ADGRG4: variants seen among roughly 807,000 people sequenced by gnomAD.
The protein encoded by ADGRG4 is G protein-coupled receptor 112.
In ADGRG4, 122 loss-of-function variants were observed where a neutral mutation model predicts 126.2. The observed-to-expected ratio is 0.97, with a 90% CI of 0.83 to 1.12. ADGRG4 has a LOEUF of 1.12. Among genes scored for constraint, ADGRG4 ranks in the 50% most tolerant of loss-of-function variants. ADGRG4 has a pLI of 0.00. For synonymous variants in ADGRG4, 943 were observed against 838.7 expected, an observed-to-expected ratio of 1.12 and a Z score of -2.15; for missense variants, 2,481 against 2,251.8, an observed-to-expected ratio of 1.10 and a Z score of -2.06.
intron 3 of ADGRG4, among the ~76,000 whole-genome samples, chrX:136,307,039 T>A (rs1178029254): frequency 8.9e-6 from 1 of 111,933 alleles, no homozygotes; most frequent in Non-Finnish European, 1.9e-5. Flanking sequence ...GGTTGCATAG[T>A]ATTCTGTTGT....
At chrX:136,380,274 T>C (rs2075251728) in intron 15 of ADGRG4, among the ~76,000 whole-genome samples, 1 of 111,060 alleles carries the variant, frequency 9.0e-6, no homozygotes, top group Non-Finnish European at 1.9e-5. Flanking sequence ...GCTGATTCAT[T>C]TGTCAACCTC....
chrX:136,393,800 A>C (rs2075332450), intron 18 of ADGRG4, among the ~76,000 whole-genome samples: 1 of 111,990 alleles, frequency 8.9e-6, no homozygotes, highest in African/African-American at 3.2e-5. Context: ...TGCTGGGGCT[A>C]CAGTGCTCCA....
intron 9 of ADGRG4, among the ~76,000 whole-genome samples, chrX:136,356,622 C>G (rs149957016): frequency 4.3e-4 from 48 of 111,995 alleles, no homozygotes; most frequent in African/African-American, 1.5e-3. Context: ...CAATAGCACA[C>G]TCTAAAATGA....
In ADGRG4 at chrX:136,375,498, A is replaced by C. The variant is rs768862101; in HGVS notation, c.7776+2434A>C. ...AGTGGTTGTATTAATTTACATTCCC[A>C]CCAGCTGTATAAAAGTGTTTCCTTT... On this transcript the variant is annotated intron_variant, in intron 15 of 25. Coordinates refer to ENST00000394143, the MANE Select transcript of ADGRG4 (RefSeq NM_153834.4). 3.6e-5 allele frequency among the ~76,000 whole-genome samples: 4 copies of C among 112,275 alleles called. No individual in the cohort carries two copies. In the South Asian group the frequency reaches 1.5e-3, roughly 42 times the overall value.
intron 5 of ADGRG4, among the ~76,000 whole-genome samples, chrX:136,329,862 A>ATTATT (rs1303865091): frequency 2.7e-4 from 29 of 109,204 alleles, no homozygotes; most frequent in Non-Finnish European, 4.8e-4. Context: ...TTTATTTTTT[A>ATTATT]TTATTTTATT....
chrX:136,346,703 T>G lies in ADGRG4; in HGVS notation c.2997T>G (p.Pro999=). ...CTGATGGTATCTTACCTCCACAGCCTACAGCTGCTCATTCCTCAGCAACCC... is the reference window on the plus strand; with the variant it reads ...CTGATGGTATCTTACCTCCACAGCCGACAGCTGCTCATTCCTCAGCAACCC... ...SLSDGILPPQ[P]TAAHSSATPV... Residue 999 remains proline (P), a synonymous_variant, in exon 6 of 26, where the codon CCT becomes CCG. Coordinates refer to ENST00000394143, the MANE Select transcript of ADGRG4 (RefSeq NM_153834.4). 1 of 1,210,388 alleles carries G rather than the reference T, an allele frequency of 8.3e-7. No homozygotes were observed. The highest frequency in any genetic ancestry group is 1.1e-6 in the Non-Finnish European group (1 of 894,561).
intron 3 of ADGRG4, among the ~76,000 whole-genome samples, chrX:136,308,537 A>G (rs1409124168): frequency 8.9e-6 from 1 of 112,179 alleles, no homozygotes; most frequent in African/African-American, 3.2e-5. Context: ...TCCAGCACAT[A>G]GAAGGGATTC....
rs2075092486 is a variant in ADGRG4 at position 136,356,172 on chromosome X, A to C, written c.6927+7A>C. 4.4e-6 allele frequency: 5 copies of C among 1,146,227 alleles called. No homozygotes were observed. The highest frequency in any genetic ancestry group is 5.9e-6 in the Non-Finnish European group (5 of 841,288). The allele number at this position is 1,146,227 out of a possible 1,213,427, so 94.5% of individuals were successfully genotyped here. On this transcript the variant is annotated splice_region_variant and intron_variant, in intron 9 of 25. Coordinates refer to ENST00000394143, the MANE Select transcript of ADGRG4 (RefSeq NM_153834.4). ...GGTCATGGATCGAGCTATTGTAAGT[A>C]ATTTTTCAAAATGAATCTACTTGTG...
In ADGRG4 at chrX:136,372,934, A is replaced by G. The variant is rs762799022; in HGVS notation, c.7646A>G (p.Lys2549Arg). Residue 2549 changes from lysine (K) to arginine (R), a missense_variant, in exon 15 of 26, where the codon AAG becomes AGG. Physicochemically the swap from Lys to Arg is conservative, Grantham distance 26. Coordinates refer to ENST00000394143, the MANE Select transcript of ADGRG4 (RefSeq NM_153834.4). ...ILRIIERTGH[K>R]MEFSGQIANL... ...AGGATAATTGAGCGTACTGGTCACA[A>G]GATGGAGTTTTCTGGGCAGATAGCA... is the stretch of plus-strand genomic sequence containing the variant. 1.7e-6 allele frequency: 2 copies of G among 1,209,990 alleles called. No homozygotes were observed. The highest frequency in any genetic ancestry group is 2.2e-5 in the Admixed American group (1 of 45,810).
At chrX:136,387,130 T>G (rs5975725) in intron 15 of ADGRG4, among the ~76,000 whole-genome samples, 1 of 111,358 alleles carries the variant, frequency 9.0e-6, no homozygotes, top group African/African-American at 3.3e-5. Flanking sequence ...CCTAAACATA[T>G]CCCATTGTGC....
At chrX:136,369,842 G>T (rs2075182183) in intron 13 of ADGRG4, among the ~76,000 whole-genome samples, 2 of 112,014 alleles carry the variant, frequency 1.8e-5, no homozygotes, top group African/African-American at 6.5e-5. Context: ...GTCTTTGCTA[G>T]TTCAGTTCCT....
chrX:136,379,019 C>T (rs189547470), intron 15 of ADGRG4, among the ~76,000 whole-genome samples: 10 of 111,857 alleles, frequency 8.9e-5, no homozygotes, highest in African/African-American at 2.9e-4. Flanking sequence ...AGTTGGGAAA[C>T]GGTCCCTCTT....
chrX:136,416,586 C>A lies in ADGRG4; in HGVS notation c.*95C>A, dbSNP rs2075476855. On this transcript the variant is annotated 3_prime_UTR_variant, in exon 26 of 26. Transcript: ENST00000394143. ...TATACTTGCTCGGGTGATGGGTGCA[C>A]CAAAATCTCACAAATCACCACTAAA... is the stretch of plus-strand genomic sequence containing the variant. The A allele has an allele frequency of 3.2e-6, 2 of 624,225 alleles. No homozygotes were observed. The highest frequency in any genetic ancestry group is 5.0e-6 in the Non-Finnish European group (2 of 402,342). The allele number at this position is 624,225 out of a possible 1,213,427, so 51.4% of individuals were successfully genotyped here.
intron 4 of ADGRG4, among the ~76,000 whole-genome samples, chrX:136,318,068 G>A (rs1239372733): frequency 8.9e-6 from 1 of 112,393 alleles, no homozygotes; most frequent in Non-Finnish European, 1.9e-5. Context: ...ATAAAAACAT[G>A]TGTTCAAACA....
At chrX:136,357,001 CA>C (rs1024438044) in intron 9 of ADGRG4, among the ~76,000 whole-genome samples, 9 of 111,497 alleles carry the variant, frequency 8.1e-5, no homozygotes, top group Non-Finnish European at 1.7e-4. Context: ...GGCTCTGTCT[CA>C]AAAAACAAAC....
At chrX:136,337,449 T>C (rs2148460200) in intron 5 of ADGRG4, among the ~76,000 whole-genome samples, 1 of 112,588 alleles carries the variant, frequency 8.9e-6, no homozygotes, top group Non-Finnish European at 1.9e-5. Context: ...AAATTATTTC[T>C]GTTTGAAGTA....
At position 136,359,302 on chromosome X, in the gene ADGRG4, C is replaced by T; in HGVS notation, c.6991C>T (p.Gln2331Ter). 1 of 1,203,046 alleles carries T rather than the reference C, an allele frequency of 8.3e-7. No homozygotes were observed. The highest frequency in any genetic ancestry group is 1.7e-5 in the African/African-American group (1 of 57,460). Residue 2331 changes from glutamine to a stop codon, truncating the protein, a stop_gained, in exon 11 of 26, where the codon CAG becomes TAG. Transcript: ENST00000394143. LOFTEE classifies it high-confidence loss of function. Reference sequence around the variant, plus strand: ...TATTCTGCTTTGTAGTTGTGTTTGTCAGGTCATCATAAAAGCCAGCTCTTC... The same window carrying T: ...TATTCTGCTTTGTAGTTGTGTTTGTTAGGTCATCATAAAAGCCAGCTCTTC... ...ISYVPYSCVC[Q>*]VIIKASSSLA...
intron 16 of ADGRG4, 38 bp from the exon 17 acceptor site, chrX:136,392,194 A>G (rs368165392): frequency 3.0e-5 from 33 of 1,105,541 alleles, no homozygotes; most frequent in Non-Finnish European, 6.0e-6. Flanking sequence ...AGTAATTAGA[A>G]ATTTAGGTCC....
rs1291112487 is a variant in ADGRG4, at chrX:136,344,382, A to AT, written c.686-3dup. On this transcript the variant is annotated splice_polypyrimidine_tract_variant and intron_variant, in intron 5 of 25. Coordinates refer to ENST00000394143, the MANE Select transcript of ADGRG4 (RefSeq NM_153834.4). ...AATCCAAAATAACACATTCTTTCTG[A>AT]TTTTTTTAGTTGTTCCTGAAAATAT... 8 of 1,112,341 alleles carry AT rather than the reference A, an allele frequency of 7.2e-6. No homozygotes were observed. Among genetic ancestry groups the AT allele is most frequent in the Middle Eastern group, 2.6e-4 (1 of 3,824 alleles). The allele number at this position is 1,112,341 out of a possible 1,213,427, so 91.7% of individuals were successfully genotyped here.
Sources: allele counts gnomAD v4.1 joint callset (sites outside exome capture counted in the v4.1 genomes callset), GRCh38; gene constraint gnomAD v4.1.1; transcripts MANE v1.5; gene names NCBI Gene and HGNC (gene_info 2026-07-23, HGNC 2026-07-21).